Variants in ZP3 observed in about 807,000 individuals in gnomAD.
ZP3 encodes zona pellucida sperm-binding protein 3.
A neutral mutation model predicts 35.6 loss-of-function variants in ZP3; 21 were observed. That is an observed-to-expected ratio of 0.59 (90% CI 0.42 to 0.85). The LOEUF (loss-of-function observed/expected upper bound fraction) is 0.85. ZP3 is among the 40% of genes least tolerant of loss of function. ZP3 has a pLI of 0.00. For missense variants in ZP3, 437 were observed against 536.5 expected, an observed-to-expected ratio of 0.81 and a Z score of 1.83; for synonymous variants, 207 against 214.5, an observed-to-expected ratio of 0.96 and a Z score of 0.31.
chr7:76,416,704 T>C (rs1805376968), intron 1 of ZP3, among the ~76,000 whole-genome samples: 1 of 151,412 alleles, frequency 6.6e-6, no homozygotes, highest in South Asian at 2.1e-4. Context: ...GAGGCTGAGA[T>C]GGGAGAGTCG....
chr7:76,408,531 C>G (rs1402328155), intron 1 of ZP3, among the ~76,000 whole-genome samples: 1 of 152,170 alleles, frequency 6.6e-6, no homozygotes, highest in African/African-American at 2.4e-5. Context: ...AGCCCCCACC[C>G]TGGGGACAGG....
intron 1 of ZP3, among the ~76,000 whole-genome samples, chr7:76,416,867 C>T (rs1019097): frequency 0.59 from 82,407 of 140,462 alleles, 25,491 homozygotes; most frequent in African/African-American, 0.75. Flanking sequence ...TATATATACA[C>T]ACATATATAC....
At chr7:76,422,986 G>GATC (rs893856138), upstream of ZP3, among the ~76,000 whole-genome samples, 2 of 135,860 alleles carry the variant, frequency 1.5e-5, no homozygotes, top group Non-Finnish European at 3.1e-5. Context: ...GACAGAATGA[G>GATC]ATCCTGTCTC....
chr7:76,433,730 ACT>A lies in ZP3; in HGVS notation c.713+86_713+87del, dbSNP rs1805908531. 3.5e-6 allele frequency: 5 copies of A among 1,409,172 alleles called. No individual in the cohort carries two copies. In the Admixed American group the frequency reaches 1.0e-4, roughly 29 times the overall value. The allele number at this position is 1,409,172 out of a possible 1,614,324, so 87.3% of individuals were successfully genotyped here. A position where few individuals can be genotyped will look rare whatever the true frequency, so the allele number is the denominator to read the frequency against. On this transcript the variant is annotated intron_variant, in intron 4 of 7. Transcript: ENST00000394857. ...CTGTTTGGCTTTTTGAGACAGTGTC[ACT>A]CTGTAACCCAGGCTGGAATACAGAG...
At chr7:76,432,183 TTTC>T (rs1446912837) in intron 2 of ZP3, among the ~76,000 whole-genome samples, 1 of 143,926 alleles carries the variant, frequency 6.9e-6, no homozygotes, top group African/African-American at 2.8e-5. Context: ...CCAGCTATCT[TTTC>T]TTTTCTTTTC....
chr7:76,419,483 G>A (rs988425768), intron 1 of ZP3, among the ~76,000 whole-genome samples: 22 of 152,050 alleles, frequency 1.4e-4, no homozygotes, highest in Admixed American at 1.2e-3. Flanking sequence ...GCTGTTTCTA[G>A]GCTCTCTCAT....
chr7:76,397,528 C>G (rs760105811), exon 1 of ZP3: 15 of 1,561,850 alleles, frequency 9.6e-6, no homozygotes, highest in Admixed American at 1.9e-5. Flanking sequence ...CTGCGCAGAG[C>G]GCGCCCGCGT....
chr7:76,438,590 C>T (rs1371407839), intron 5 of ZP3, among the ~76,000 whole-genome samples: 2 of 144,974 alleles, frequency 1.4e-5, no homozygotes, highest in Non-Finnish European at 3.0e-5. Context: ...GGGTAGTTGA[C>T]TATTCCCTGG....
At chr7:76,421,879 C>A (rs905411732), upstream of ZP3, among the ~76,000 whole-genome samples, 1 of 150,942 alleles carries the variant, frequency 6.6e-6, no homozygotes. Context: ...CTGATAGGAC[C>A]CTTGCAGTAG....
intron 5 of ZP3, 164 bp from the exon 6 acceptor site, chr7:76,440,086 A>G: frequency 7.5e-7 from 1 of 1,335,936 alleles, no homozygotes; most frequent in Non-Finnish European, 1.0e-6. Context: ...ACCTCAGGTG[A>G]TCTACCCGCC....
At chr7:76,405,271 TTATATATATATATATATATA>T (rs1171830870) in intron 1 of ZP3, among the ~76,000 whole-genome samples, 515 of 9,108 alleles carry the variant, frequency 0.057, 26 homozygotes, top group South Asian at 0.12. Context: ...ACCCAGCTAA[TTATATATATATATATATATA>T]TATATATATA....
At chr7:76,440,669 T>C in intron 7 of ZP3, 58 bp downstream of exon 7, 1 of 1,553,368 alleles carries the variant, frequency 6.4e-7, no homozygotes, top group Non-Finnish European at 8.7e-7. Flanking sequence ...TGAGGGTACC[T>C]GCTGTCATTT....
intron 1 of ZP3, among the ~76,000 whole-genome samples, chr7:76,410,765 T>C (rs1247656386): frequency 1.3e-5 from 2 of 151,738 alleles, no homozygotes; most frequent in Non-Finnish European, 2.9e-5. Context: ...GAGGCTGAGG[T>C]GGGCAGATCA....
At chr7:76,421,264 C>T (rs561527058), upstream of ZP3, among the ~76,000 whole-genome samples, 93 of 151,892 alleles carry the variant, frequency 6.1e-4, no homozygotes, top group Middle Eastern at 3.4e-3. Context: ...TGAGGTCTCA[C>T]TCTATTGCCC....
intron 1 of ZP3, chr7:76,429,211 TAA>T (rs1805758495): frequency 2.9e-6 from 1 of 348,626 alleles, no homozygotes; most frequent in African/African-American, 2.1e-5. Context: ...TGGTGTCAGG[TAA>T]AGATTCCGAG....
chr7:76,398,037 G>A (rs1167194583), intron 1 of ZP3, among the ~76,000 whole-genome samples: 2 of 152,018 alleles, frequency 1.3e-5, no homozygotes, highest in African/African-American at 2.4e-5. Flanking sequence ...CCCCTACCCT[G>A]CTCCCTGTCT....
rs537122286 is a variant in ZP3 at position 76,429,760 on chromosome 7, G to A, written c.431+127G>A. The A allele has an allele frequency of 6.1e-4, 497 of 819,982 alleles. 1 individual carries two copies. The Middle Eastern group carries it at 7.4e-3, about 12-fold the overall frequency. The allele number at this position is 819,982 out of a possible 1,614,324, so 50.8% of individuals were successfully genotyped here. A position where few individuals can be genotyped will look rare whatever the true frequency, so the allele number is the denominator to read the frequency against. On this transcript the variant is annotated intron_variant, in intron 2 of 7. Coordinates refer to ENST00000394857, the MANE Select transcript of ZP3 (RefSeq NM_001110354.2). ...AGAACTACCTACCGAAGCATTTGCAGCTGTGGTTACTGTACTGCGTGGGAT... is the reference window on the plus strand; with the variant it reads ...AGAACTACCTACCGAAGCATTTGCAACTGTGGTTACTGTACTGCGTGGGAT...
rs143181389 is a variant in ZP3 at position 76,431,854 on chromosome 7, G to A, written c.432-1073G>A. Among the ~76,000 whole-genome samples the A allele has an allele frequency of 9.5e-3, 1,433 of 150,144 alleles. 24 individuals carry two copies. The highest frequency in any genetic ancestry group is 0.034 in the African/African-American group (1,381 of 40,724). Reference sequence around the variant, plus strand: ...GTGGAGCTTGCAGTGAGCCGAGATCGTGCCACTGTACTCCAGCCTGGGAGA... The same window carrying A: ...GTGGAGCTTGCAGTGAGCCGAGATCATGCCACTGTACTCCAGCCTGGGAGA... On this transcript the variant is annotated intron_variant, in intron 2 of 7. Coordinates refer to ENST00000394857, the MANE Select transcript of ZP3 (RefSeq NM_001110354.2).
intron 5 of ZP3, among the ~76,000 whole-genome samples, chr7:76,437,373 A>G (rs1473077050): frequency 1.3e-5 from 2 of 151,940 alleles, no homozygotes; most frequent in East Asian, 1.9e-4. Flanking sequence ...ATGGGGTTTC[A>G]CTATGTTGGT....
Sources: allele counts gnomAD v4.1 joint callset (sites outside exome capture counted in the v4.1 genomes callset), GRCh38; gene constraint gnomAD v4.1.1; transcripts MANE v1.5; gene names NCBI Gene and HGNC (gene_info 2026-07-23, HGNC 2026-07-21).